Variants in KCNIP1 observed in about 807,000 individuals in gnomAD.
KCNIP1 encodes potassium voltage-gated channel interacting protein 1.
A neutral mutation model predicts 33.0 loss-of-function variants in KCNIP1; 18 were observed. The ratio of observed to expected loss-of-function variants is 0.55; its 90% CI spans 0.38 to 0.81. The LOEUF is 0.81. KCNIP1 is among the 30% of genes least tolerant of loss of function. KCNIP1 has a pLI of 0.00. For missense variants in KCNIP1, 238 were observed against 271.6 expected, an observed-to-expected ratio of 0.88 and a Z score of 0.87; for synonymous variants, 93 against 98.3, an observed-to-expected ratio of 0.95 and a Z score of 0.32.
At chr5:170,430,848 T>C (rs116734056) in intron 1 of KCNIP1, among the ~76,000 whole-genome samples, 3,528 of 152,306 alleles carry the variant, frequency 0.023, 78 homozygotes, top group African/African-American at 0.052. Context: ...ATCTCAGCCC[T>C]TCTCTTAAGT....
At chr5:170,401,921 C>A (rs77894594) in intron 1 of KCNIP1, among the ~76,000 whole-genome samples, 2,384 of 152,258 alleles carry the variant, frequency 0.016, 62 homozygotes, top group African/African-American at 0.055. Context: ...TGTATTTCCT[C>A]ACAGCTCTGG....
intron 1 of KCNIP1, chr5:170,486,157 G>A (rs1049074881): frequency 9.9e-5 from 15 of 152,110 alleles, no homozygotes; most frequent in Non-Finnish European, 1.5e-4. Context: ...AGGGACCTGC[G>A]AAAAAGCTCT....
chr5:170,621,241 C>A (rs548182541), intron 1 of KCNIP1, among the ~76,000 whole-genome samples: 12 of 152,336 alleles, frequency 7.9e-5, no homozygotes, highest in Middle Eastern at 3.4e-3. Flanking sequence ...CTGGCCTAGA[C>A]CCTGTAGGCC....
chr5:170,628,571 G>GA (rs1219392787), intron 1 of KCNIP1, among the ~76,000 whole-genome samples: 3 of 152,072 alleles, frequency 2.0e-5, no homozygotes, highest in Non-Finnish European at 4.4e-5. Context: ...CTGGTTTGGG[G>GA]AAAAAATGTA....
chr5:170,616,276 T>G (rs537058153), intron 1 of KCNIP1, among the ~76,000 whole-genome samples: 3 of 150,930 alleles, frequency 2.0e-5, no homozygotes, highest in Non-Finnish European at 4.4e-5. Flanking sequence ...CTTCATTTAT[T>G]TATTTAGTCA....
chr5:170,523,479 G>A (rs996258670), intron 1 of KCNIP1, among the ~76,000 whole-genome samples: 4 of 152,272 alleles, frequency 2.6e-5, no homozygotes, highest in South Asian at 2.1e-4. Flanking sequence ...TCTCAGAGTC[G>A]ACTTTGAAAG....
chr5:170,559,023 G>A (rs1447775824), intron 1 of KCNIP1, among the ~76,000 whole-genome samples: 1 of 152,176 alleles, frequency 6.6e-6, no homozygotes, highest in African/African-American at 2.4e-5. Flanking sequence ...GGCATCTCAA[G>A]TATTTCTTAG....
At chr5:170,727,423 T>G (rs143896115) in intron 5 of KCNIP1, among the ~76,000 whole-genome samples, 9 of 152,334 alleles carry the variant, frequency 5.9e-5, no homozygotes, top group African/African-American at 1.2e-4. Context: ...CATCAAACAG[T>G]ACACTTAAAA....
intron 1 of KCNIP1, among the ~76,000 whole-genome samples, chr5:170,424,187 T>A (rs1478674974): frequency 6.6e-6 from 1 of 152,042 alleles, no homozygotes; most frequent in African/African-American, 2.4e-5. Context: ...CTTACCCAAG[T>A]GCGGGGTAGC....
chr5:170,722,915 A>AAAGG (rs1763876903), intron 5 of KCNIP1, 95 bp downstream of exon 5: 1 of 754,132 alleles, frequency 1.3e-6, no homozygotes. Context: ...CACTGTCTGA[A>AAAGG]TGAGGCAGGC....
At chr5:170,487,433 G>A (rs1056966365) in intron 1 of KCNIP1, among the ~76,000 whole-genome samples, 4 of 151,910 alleles carry the variant, frequency 2.6e-5, no homozygotes, top group South Asian at 2.1e-4. Context: ...TTCACATACC[G>A]TAGCATAAAA....
intron 1 of KCNIP1, among the ~76,000 whole-genome samples, chr5:170,586,992 T>G (rs1758011841): frequency 6.6e-6 from 1 of 152,182 alleles, no homozygotes; most frequent in Non-Finnish European, 1.5e-5. Flanking sequence ...GCAACAAGTT[T>G]TTAATTGCAA....
intron 1 of KCNIP1, among the ~76,000 whole-genome samples, chr5:170,565,980 G>A (rs1757191464): frequency 6.6e-6 from 1 of 152,196 alleles, no homozygotes; most frequent in Non-Finnish European, 1.5e-5. Flanking sequence ...AAGAGTGGAA[G>A]AGGACAATTA....
rs559844821 is a variant in KCNIP1 at position 170,588,007 on chromosome 5, G to T, written c.61+83374G>T. Among the ~76,000 whole-genome samples, 3 of 152,332 alleles carry T rather than the reference G, an allele frequency of 2.0e-5. No homozygotes were observed. The East Asian group carries it at 5.8e-4, about 29-fold the overall frequency. ...GAGGCAAGCCTGACCTCAAGATCAA[G>T]ACAGGAAATTGGCTTTCATGGGTTA... On this transcript the variant is annotated intron_variant, in intron 1 of 7. Transcript: ENST00000328939.
chr5:170,380,093 G>C (rs188771281), intron 1 of KCNIP1, among the ~76,000 whole-genome samples: 1 of 152,344 alleles, frequency 6.6e-6, no homozygotes, highest in Non-Finnish European at 1.5e-5. Context: ...GCATTGAAAA[G>C]AGTTTTGTGC....
Position 170,504,360 on chromosome 5 carries a change from G to A in KCNIP1, c.-213G>A. On this transcript the variant is annotated 5_prime_UTR_variant, in exon 1 of 8. Coordinates refer to ENST00000328939, the MANE Select transcript of KCNIP1 (RefSeq NM_014592.4). This position sits in a 1 kb window ranked among gnomAD's most constrained non-coding sequence, Gnocchi z 6.0. ...GCGGTTCCGAAGGCTCGCGGGGAGC[G>A]GCTAGCCCTGAGTCCCTGCATGTGC... 7.1e-7 allele frequency: 1 copy of A among 1,411,726 alleles called. No homozygotes were observed. The highest frequency in any genetic ancestry group is 1.5e-5 in the African/African-American group (1 of 68,414). The allele number at this position is 1,411,726 out of a possible 1,614,324, so 87.4% of individuals were successfully genotyped here. A position where few individuals can be genotyped will look rare whatever the true frequency, so the allele number is the denominator to read the frequency against.
intron 1 of KCNIP1, among the ~76,000 whole-genome samples, chr5:170,405,817 G>C (rs999477074): frequency 6.6e-6 from 1 of 152,178 alleles, no homozygotes; most frequent in Non-Finnish European, 1.5e-5. Flanking sequence ...TCACAGACGA[G>C]CTCCCATCCC....
chr5:170,363,654 C>T (rs1388756406), intron 1 of KCNIP1, among the ~76,000 whole-genome samples: 3 of 152,164 alleles, frequency 2.0e-5, no homozygotes, highest in South Asian at 2.1e-4. Flanking sequence ...TAATACAGCC[C>T]CATAGACCAT....
chr5:170,437,839 C>T (rs556902489), intron 1 of KCNIP1, among the ~76,000 whole-genome samples: 38 of 152,340 alleles, frequency 2.5e-4, no homozygotes, highest in Admixed American at 5.9e-4. Flanking sequence ...GGCCTTTGCA[C>T]AGCCTTCAGA....
Sources: allele counts gnomAD v4.1 joint callset (sites outside exome capture counted in the v4.1 genomes callset), GRCh38; gene constraint gnomAD v4.1.1; non-coding constraint Gnocchi (gnomAD v3.1); transcripts MANE v1.5; gene names NCBI Gene and HGNC (gene_info 2026-07-23, HGNC 2026-07-21).